Variants in SETX observed in about 807,000 individuals in gnomAD.
SETX encodes senataxin.
In SETX, 90 loss-of-function variants were observed where a neutral mutation model predicts 227.2. That is an observed-to-expected ratio of 0.40 (90% CI 0.33 to 0.47). The LOEUF (loss-of-function observed/expected upper bound fraction) is 0.47. Among genes scored for constraint, SETX ranks in the 20% least tolerant of loss-of-function variants. SETX has a pLI of 0.91. For synonymous variants in SETX, 1,210 were observed against 1,113.2 expected, an observed-to-expected ratio of 1.09 and a Z score of -1.73; for missense variants, 3,052 against 3,181.5, an observed-to-expected ratio of 0.96 and a Z score of 0.98.
In SETX at chr9:132,326,434, G is replaced by A; in HGVS notation, c.5164C>T (p.Pro1722Ser). 1 of 1,614,052 alleles carries A rather than the reference G, an allele frequency of 6.2e-7. No homozygotes were observed. Among genetic ancestry groups the A allele is most frequent in the Non-Finnish European group, 8.5e-7 (1 of 1,179,964 alleles). ...GAGATGGACTGACAAAGACTTGCAGGGGGCCCACACTGACCAAAGTTCAAA... is the reference window on the plus strand; with the variant it reads ...GAGATGGACTGACAAAGACTTGCAGAGGGCCCACACTGACCAAAGTTCAAA... Reference protein sequence around the residue: ...MFLNFGQCGPPASLCQSISRP... With the variant: ...MFLNFGQCGPSASLCQSISRP... The change falls in exon 10 of 26, where the codon CCT becomes TCT. Residue 1722 changes from proline (P) to serine (S), a missense_variant. Coordinates refer to ENST00000224140, the MANE Select transcript of SETX (RefSeq NM_015046.7).
rs767472574 is a variant in SETX at position 132,328,174 on chromosome 9, T to A, written c.3424A>T (p.Thr1142Ser). 6.2e-7 allele frequency: 1 copy of A among 1,614,228 alleles called. No individual in the cohort carries two copies. Among genetic ancestry groups the A allele is most frequent in the Non-Finnish European group, 8.5e-7 (1 of 1,180,040 alleles). ...KKGAEGIEEH[T>S]RPRSISVEEF... is the part of the protein sequence containing the mutation. ...TCAACAGAAATACTCCGTGGTCTTG[T>A]GTGTTCTTCAATGCCCTCTGCTCCT... Residue 1142 changes from threonine to serine, a missense_variant, in exon 10 of 26, where the codon ACA becomes TCA. Around this residue, in one of 10 missense-constraint regions of SETX, gnomAD observed 1,483 missense variants for 1,312.0 expected, o/e 1.13. Transcript: ENST00000224140.
At chr9:132,291,301 C>T (rs1042895989) in intron 15 of SETX, among the ~76,000 whole-genome samples, 1 of 151,140 alleles carries the variant, frequency 6.6e-6, no homozygotes, top group African/African-American at 2.4e-5. Flanking sequence ...CGAATAGCTG[C>T]GACTACAGGC....
At chr9:132,273,143 G>A (rs1733098450) in intron 23 of SETX, among the ~76,000 whole-genome samples, 1 of 151,702 alleles carries the variant, frequency 6.6e-6, no homozygotes, top group South Asian at 2.1e-4. Flanking sequence ...AAAACAGGAT[G>A]TCTTCACATT....
rs139387387 is a variant in SETX, at chr9:132,339,905, G to A, written c.498+2785C>T. ...GCTGGGATTACAGGAATGAGTCACC[G>A]TGCCCAGCCATATCTCCGGTATTTC... On this transcript the variant is annotated intron_variant, in intron 5 of 25. Transcript: ENST00000224140. Among the ~76,000 whole-genome samples the A allele has an allele frequency of 6.0e-3, 913 of 152,226 alleles. 7 individuals carry two copies. The highest frequency in any genetic ancestry group is 0.02 in the African/African-American group (842 of 41,540).
chr9:132,347,689 A>G (rs185753044), intron 3 of SETX, among the ~76,000 whole-genome samples: 6 of 152,086 alleles, frequency 3.9e-5, no homozygotes, highest in African/African-American at 1.4e-4. Context: ...AAAAAAGAGA[A>G]GCTGGAGCCT....
chr9:132,296,612 AC>A (rs1423180120), intron 14 of SETX, among the ~76,000 whole-genome samples: 1 of 151,954 alleles, frequency 6.6e-6, no homozygotes, highest in Non-Finnish European at 1.5e-5. Context: ...CCCAGCATTC[AC>A]AGCATTCTAC....
intron 19 of SETX, chr9:132,282,650 T>C: frequency 6.2e-6 from 1 of 160,866 alleles, no homozygotes; most frequent in Admixed American, 5.8e-5. Flanking sequence ...ATGAGTGTGT[T>C]TCCCCATATC....
Position 132,265,224 on chromosome 9 carries a change from G to GTTTTT in SETX, c.7288-244_7288-240dup, listed in dbSNP as rs397741391. Among the ~76,000 whole-genome samples the GTTTTT allele has an allele frequency of 7.0e-4, 74 of 106,410 alleles. 3 individuals carry two copies. The highest frequency in any genetic ancestry group is 1.3e-3 in the South Asian group (4 of 3,064). The allele number at this position is 106,410 out of a possible 152,430, so 69.8% of individuals were successfully genotyped here. Reference sequence around the variant, plus strand: ...CCTATAATGGAGAACTTCAACTTTTGTTTTTTTTTTTTTTTTTTTTGAGAC... The same window carrying GTTTTT: ...CCTATAATGGAGAACTTCAACTTTTGTTTTTTTTTTTTTTTTTTTTTTTTTGAGAC... On this transcript the variant is annotated intron_variant, in intron 25 of 25. Coordinates refer to ENST00000224140, the MANE Select transcript of SETX (RefSeq NM_015046.7).
intron 11 of SETX, among the ~76,000 whole-genome samples, chr9:132,309,911 C>T (rs1468644760): frequency 2.0e-5 from 3 of 152,046 alleles, no homozygotes; most frequent in Non-Finnish European, 4.4e-5. Flanking sequence ...AAACGGGACA[C>T]AGAGCACTGA....
At chr9:132,289,814 C>T (rs765867203) in intron 15 of SETX, among the ~76,000 whole-genome samples, 2 of 152,234 alleles carry the variant, frequency 1.3e-5, no homozygotes, top group Non-Finnish European at 2.9e-5. Flanking sequence ...TTACTAACCA[C>T]ATTTTAATCT....
rs1846929558 is a variant in SETX at position 132,327,815 on chromosome 9, A to G, written c.3783T>C (p.Ser1261=). 2.5e-6 allele frequency: 4 copies of G among 1,614,078 alleles called. No individual in the cohort carries two copies. Among genetic ancestry groups the G allele is most frequent in the Admixed American group, 1.7e-5 (1 of 60,004 alleles). ...KGQNRSSNYL[S]CRTTPAIVPP... is the part of the protein sequence containing the mutation. ...GCACTATAGCAGGAGTTGTTCTACA[A>G]CTTAGGTAATTTGAACTTCTATTCT... Residue 1261 remains serine, a synonymous_variant, in exon 10 of 26, where the codon AGT becomes AGC. Coordinates refer to ENST00000224140, the MANE Select transcript of SETX (RefSeq NM_015046.7).
intron 18 of SETX, among the ~76,000 whole-genome samples, chr9:132,286,199 A>T (rs1045883072): frequency 6.1e-4 from 92 of 150,950 alleles, no homozygotes; most frequent in Non-Finnish European, 1.0e-3. Flanking sequence ...AAAAAAAAAA[A>T]AAATTAGCCA....
chr9:132,287,361 G>A (rs189229286), intron 17 of SETX, among the ~76,000 whole-genome samples: 5 of 152,238 alleles, frequency 3.3e-5, no homozygotes, highest in African/African-American at 7.2e-5. Context: ...GATGGCACAC[G>A]GCTGTAGTCC....
intron 4 of SETX, among the ~76,000 whole-genome samples, chr9:132,344,106 C>T (rs1589778556): frequency 2.0e-5 from 3 of 152,300 alleles, no homozygotes; most frequent in Admixed American, 2.0e-4. Context: ...GTCGACCCTC[C>T]AGAGAAGCGG....
chr9:132,264,376 T>G lies in SETX; in HGVS notation c.7897A>C (p.Arg2633=). 1.2e-6 allele frequency: 2 copies of G among 1,614,152 alleles called. No individual in the cohort carries two copies. Among genetic ancestry groups the G allele is most frequent in the Non-Finnish European group, 1.7e-6 (2 of 1,180,022 alleles). ...DDPEEELCHR[R]EARAFSEGEQ... Reference sequence around the variant, plus strand: ...CCTTCACTGAAAGCCCTGGCCTCTCTCCTGTGACAGAGCTCCTCTTCCGGG... The same window carrying G: ...CCTTCACTGAAAGCCCTGGCCTCTCGCCTGTGACAGAGCTCCTCTTCCGGG... Residue 2633 remains arginine, a synonymous_variant, in exon 26 of 26, where the codon AGA becomes CGA. Coordinates refer to ENST00000224140, the MANE Select transcript of SETX (RefSeq NM_015046.7).
At chr9:132,306,638 T>C (rs1208876717) in intron 11 of SETX, among the ~76,000 whole-genome samples, 1 of 152,254 alleles carries the variant, frequency 6.6e-6, no homozygotes, top group Non-Finnish European at 1.5e-5. Flanking sequence ...CTTTTTAAAA[T>C]TCATCTTTGT....
chr9:132,323,044 A>G (rs1306430991), intron 10 of SETX, among the ~76,000 whole-genome samples: 2 of 152,186 alleles, frequency 1.3e-5, no homozygotes, highest in Non-Finnish European at 2.9e-5. Flanking sequence ...TGAGAAGATT[A>G]AAGAAATTCT....
intron 11 of SETX, 59 bp downstream of exon 11, chr9:132,311,698 T>A (rs1845669733): frequency 1.6e-6 from 2 of 1,246,816 alleles, no homozygotes; most frequent in East Asian, 4.8e-5. Context: ...TATCTCCTCT[T>A]AATTAGAAAT....
intron 17 of SETX, 33 bp from the exon 18 acceptor site, chr9:132,286,527 T>A: frequency 6.7e-7 from 1 of 1,486,424 alleles, no homozygotes; most frequent in Non-Finnish European, 9.4e-7. Context: ...CAATTAAAAC[T>A]AAACTAAGCA....
Sources: allele counts gnomAD v4.1 joint callset (sites outside exome capture counted in the v4.1 genomes callset), GRCh38; gene constraint gnomAD v4.1.1; regional missense constraint gnomAD v4.1.1; transcripts MANE v1.5; gene names NCBI Gene and HGNC (gene_info 2026-07-23, HGNC 2026-07-21).